The following SRGAP3 variants were observed in gnomAD, a reference collection of about 807,000 sequenced individuals.
SRGAP3 encodes the protein SLIT-ROBO Rho GTPase activating protein 3.
A neutral mutation model predicts 121.1 loss-of-function variants in SRGAP3; 39 were observed. That is an observed-to-expected ratio of 0.32 (90% confidence interval 0.25 to 0.42). The LOEUF (loss-of-function observed/expected upper bound fraction) is 0.42. Ranked by LOEUF, SRGAP3 falls within the 10% of genes least tolerant of loss-of-function variation. SRGAP3 has a pLI of 1.00. For synonymous variants in SRGAP3, 601 were observed against 570.0 expected (o/e 1.05, Z -0.77); for missense variants, 1,213 against 1,470.6 (o/e 0.82, Z 2.86).
chr3:9,250,268 A>AC (rs1953976174), upstream of SRGAP3, among the ~76,000 whole-genome samples: 1 of 152,200 alleles, frequency 6.6e-6, no homozygotes, highest in African/African-American at 2.4e-5. Flanking sequence ...TAGGTCTAGC[A>AC]CCGTTCTGGG....
chr3:9,199,718 G>A (rs1391066743), intron 1 of SRGAP3, among the ~76,000 whole-genome samples: 1 of 152,180 alleles, frequency 6.6e-6, no homozygotes, highest in Non-Finnish European at 1.5e-5. Context: ...AGTCCCTAAA[G>A]GGGAAGCAAT....
intron 1 of SRGAP3, among the ~76,000 whole-genome samples, chr3:9,214,432 C>T (rs1325991259): frequency 6.6e-6 from 1 of 152,174 alleles, no homozygotes; most frequent in Admixed American, 6.5e-5. Flanking sequence ...TGCACAAACC[C>T]AGGCTTTCTG....
intron 2 of SRGAP3, among the ~76,000 whole-genome samples, chr3:9,326,477 T>A (rs1405867972): frequency 6.6e-6 from 1 of 151,856 alleles, no homozygotes; most frequent in Non-Finnish European, 1.5e-5. Flanking sequence ...CAGTTTGGAT[T>A]ATTTTATCTT....
chr3:9,155,535 T>A (rs1445187700), intron 1 of SRGAP3, among the ~76,000 whole-genome samples: 1 of 152,142 alleles, frequency 6.6e-6, no homozygotes, highest in African/African-American at 2.4e-5. Context: ...TATACTGGAA[T>A]CTTTCCATCT....
chr3:9,123,971 G>A (rs1949123525), intron 2 of SRGAP3, among the ~76,000 whole-genome samples: 2 of 151,956 alleles, frequency 1.3e-5, no homozygotes, highest in African/African-American at 4.8e-5. Context: ...CTGGCCGGGG[G>A]ACCTGCCAAG....
chr3:9,260,639 GCAGCCC>G (rs1402997954), intron 3 of SRGAP3, among the ~76,000 whole-genome samples: 1 of 152,254 alleles, frequency 6.6e-6, no homozygotes, highest in African/African-American at 2.4e-5. Context: ...AAGAAAGGCA[GCAGCCC>G]CAGTCAGCGG....
intron 2 of SRGAP3, among the ~76,000 whole-genome samples, chr3:9,112,935 C>A (rs1055853292): frequency 2.6e-5 from 4 of 152,224 alleles, no homozygotes; most frequent in African/African-American, 7.2e-5. Flanking sequence ...GCCCCCTGAG[C>A]TCAGACTAGA....
At chr3:9,318,635 G>A (rs774619718) in intron 3 of SRGAP3, among the ~76,000 whole-genome samples, 25 of 151,186 alleles carry the variant, frequency 1.7e-4, no homozygotes, top group Non-Finnish European at 3.1e-4. Context: ...AGCACTTTGA[G>A]AGGCTGAGGC....
intron 1 of SRGAP3, among the ~76,000 whole-genome samples, chr3:9,341,866 C>T (rs1272800549): frequency 1.3e-5 from 2 of 152,138 alleles, no homozygotes; most frequent in African/African-American, 4.8e-5. Context: ...CTGTAAATGT[C>T]ACATTTGTCT....
chr3:9,108,692 A>G (rs73138211), intron 2 of SRGAP3, among the ~76,000 whole-genome samples: 1 of 152,170 alleles, frequency 6.6e-6, no homozygotes, highest in Non-Finnish European at 1.5e-5. Flanking sequence ...GATATAACCA[A>G]CATGTGTTTT....
At chr3:9,211,031 G>A (rs1318773280) in intron 1 of SRGAP3, among the ~76,000 whole-genome samples, 2 of 152,050 alleles carry the variant, frequency 1.3e-5, no homozygotes, top group African/African-American at 4.8e-5. Context: ...CAGAAGATAG[G>A]GTTATCAGAA....
chr3:9,094,454 G>C lies in SRGAP3; in HGVS notation c.423+10226C>G, dbSNP rs574607342. On this transcript the variant is annotated intron_variant, in intron 3 of 21. Coordinates refer to ENST00000383836, the MANE Select transcript of SRGAP3 (RefSeq NM_014850.4). ...CATTCTCATACAGTTTTGTGTGTGAGCAGATACGCTAGAATATCTTTGGGT... is the reference window on the plus strand; with the variant it reads ...CATTCTCATACAGTTTTGTGTGTGACCAGATACGCTAGAATATCTTTGGGT... 2.0e-5 allele frequency among the ~76,000 whole-genome samples: 3 copies of C among 152,280 alleles called. No homozygotes were observed. The South Asian group carries it at 6.2e-4, about 32-fold the overall frequency.
chr3:9,283,978 A>G (rs1210262093), intron 3 of SRGAP3, among the ~76,000 whole-genome samples: 1 of 152,222 alleles, frequency 6.6e-6, no homozygotes, highest in South Asian at 2.1e-4. Flanking sequence ...CATTGCCATC[A>G]GTTATCTACA....
chr3:9,133,797 A>C (rs1199010055), intron 1 of SRGAP3, among the ~76,000 whole-genome samples: 3 of 152,238 alleles, frequency 2.0e-5, no homozygotes, highest in Non-Finnish European at 4.4e-5. Context: ...CTACGATGAA[A>C]ACTTTAGGAC....
In SRGAP3 at chr3:8,981,841, A is replaced by C. The variant is rs1040241467; in HGVS notation, c.*3678T>G. 4 of 229,092 alleles carry C rather than the reference A, an allele frequency of 1.7e-5. No individual in the cohort carries two copies. The highest frequency in any genetic ancestry group is 1.1e-4 in the Admixed American group (2 of 17,618). The allele number at this position is 229,092 out of a possible 1,614,324, so 14.2% of individuals were successfully genotyped here. A position where few individuals can be genotyped will look rare whatever the true frequency, so the allele number is the denominator to read the frequency against. ...CCCTTGGGAATCCATCTCTCTCCTGACCCCTGGCCTGGTGACTTCAGAGAA... is the reference window on the plus strand; with the variant it reads ...CCCTTGGGAATCCATCTCTCTCCTGCCCCCTGGCCTGGTGACTTCAGAGAA... On this transcript the variant is annotated 3_prime_UTR_variant, in exon 22 of 22. Transcript: ENST00000383836.
chr3:9,017,366 T>C (rs755148548), intron 14 of SRGAP3, among the ~76,000 whole-genome samples: 1 of 152,252 alleles, frequency 6.6e-6, no homozygotes, highest in Non-Finnish European at 1.5e-5. Flanking sequence ...AATAATTACA[T>C]TCATCTGCTT....
chr3:9,351,753 T>G (rs1351957855), intron 1 of SRGAP3, among the ~76,000 whole-genome samples: 2 of 152,180 alleles, frequency 1.3e-5, no homozygotes, highest in African/African-American at 2.4e-5. Context: ...ACTGTCAGGT[T>G]TGTAGCCTAG....
intron 3 of SRGAP3, among the ~76,000 whole-genome samples, chr3:9,276,026 C>A (rs533056142): frequency 6.6e-6 from 1 of 152,116 alleles, no homozygotes; most frequent in South Asian, 2.1e-4. Flanking sequence ...ATAGCAAGAC[C>A]CTGTCTGTAC....
intron 3 of SRGAP3, among the ~76,000 whole-genome samples, chr3:9,296,261 A>G (rs1320693743): frequency 6.6e-6 from 1 of 152,208 alleles, no homozygotes; most frequent in Non-Finnish European, 1.5e-5. Flanking sequence ...CCCAACAGCA[A>G]TGCGCAAGGG....
Sources: gnomAD v4.1 joint callset for allele counts (sites outside exome capture counted in the v4.1 genomes callset) on GRCh38, gnomAD v4.1.1 for gene constraint, MANE v1.5 for transcripts, NCBI Gene and HGNC (gene_info 2026-07-23, HGNC 2026-07-21) for gene names.